The following TRO variants were observed in gnomAD, a reference collection of about 807,000 sequenced individuals.
TRO encodes the protein trophinin.
Under a neutral mutation model 42.3 loss-of-function variants are expected in TRO, and 29 were observed. That is an observed-to-expected ratio of 0.68 (90% CI 0.51 to 0.93). The LOEUF (loss-of-function observed/expected upper bound fraction) is 0.93. Among genes scored for constraint, TRO ranks in the 40% least tolerant of loss-of-function variants. The pLI, the probability that TRO is intolerant of heterozygous loss-of-function variation, is 0.00. For synonymous variants in TRO, 384 were observed against 425.2 expected (o/e 0.90, Z 1.19); for missense variants, 963 against 1,127.7 (o/e 0.85, Z 2.09).
intron 11 of TRO, among the ~76,000 whole-genome samples, chrX:54,928,201 T>C (rs1046722584): frequency 1.8e-5 from 2 of 111,541 alleles, no homozygotes; most frequent in Admixed American, 9.5e-5. Flanking sequence ...TCTCTTCTTA[T>C]AAGGACACTA....
chrX:54,925,100 T>TG (rs1343363332), intron 6 of TRO, 32 bp downstream of exon 6: 1 of 1,164,289 alleles, frequency 8.6e-7, no homozygotes, highest in East Asian at 3.0e-5. Flanking sequence ...ATGGGCGCAA[T>TG]GGGGAAGCTT....
chrX:54,928,475 G>T, intron 11 of TRO, 128 bp from the exon 12 acceptor site: 1 of 834,500 alleles, frequency 1.2e-6, no homozygotes, highest in South Asian at 3.3e-5. Context: ...GTTCAGAACT[G>T]ACCCATGATA....
intron 3 of TRO, among the ~76,000 whole-genome samples, chrX:54,924,207 A>G (rs1932478553): frequency 8.9e-6 from 1 of 111,751 alleles, no homozygotes; most frequent in African/African-American, 3.3e-5. Context: ...GAAGAGAAAG[A>G]CCCTTAGGCT....
chrX:54,923,161 AG>A lies in TRO; in HGVS notation c.631del (p.Ala211LeufsTer6). ...CCTAAGAAAGCTTCCAAGGCTAAGA[AG>A]GCTGCAAATAAGGCCATAGCTAGTG... ...IKPKKASKAKKAANKAIASAT... is the reference protein window; with the variant it reads ...IKPKKASKAKXAANKAIASAT... On this transcript the variant is annotated frameshift_variant, in exon 3 of 13. Transcript: ENST00000173898. 8.3e-7 allele frequency: 1 copy of A among 1,211,848 alleles called. No individual in the cohort carries two copies. The highest frequency in any genetic ancestry group is 1.1e-6 in the Non-Finnish European group (1 of 895,534).
Position 54,930,494 on chromosome X carries a change from C to A in TRO, c.3770C>A (p.Thr1257Asn), listed in dbSNP as rs745778648. The A allele has an allele frequency of 2.5e-6, 3 of 1,208,873 alleles. No individual in the cohort carries two copies. Among genetic ancestry groups the A allele is most frequent in the Non-Finnish European group, 3.4e-6 (3 of 894,792 alleles). Residue 1257 changes from threonine (T) to asparagine (N), a missense_variant, in exon 12 of 13, where the codon ACT becomes AAT. Physicochemically the swap from Thr to Asn is moderately conservative, Grantham distance 65. Coordinates refer to ENST00000173898, the MANE Select transcript of TRO (RefSeq NM_001039705.3). ...AGFGGGPGTSTGFGGGLGTSA... is the reference protein window; with the variant it reads ...AGFGGGPGTSNGFGGGLGTSA... ...TTCGGTGGAGGACCAGGCACCAGCA[C>A]TGGTTTTGGTGGTGGACTGGGCACC... is the stretch of plus-strand genomic sequence containing the variant.
At position 54,931,329 on chromosome X, in the gene TRO, T is replaced by C. The variant is rs1280355128; in HGVS notation, c.*137T>C. Reference sequence around the variant, plus strand: ...GCAGTTATGGCCAATCAGCTGAGGGTGTCATGTGATGGAAAAATCTGTTTG... The same window carrying C: ...GCAGTTATGGCCAATCAGCTGAGGGCGTCATGTGATGGAAAAATCTGTTTG... On this transcript the variant is annotated 3_prime_UTR_variant, in exon 13 of 13. Coordinates refer to ENST00000173898, the MANE Select transcript of TRO (RefSeq NM_001039705.3). 1 of 1,207,781 alleles carries C rather than the reference T, an allele frequency of 8.3e-7. No individual in the cohort carries two copies. Among genetic ancestry groups the C allele is most frequent in the Non-Finnish European group, 1.1e-6 (1 of 893,507 alleles).
Position 54,930,459 on chromosome X carries a change from C to T in TRO, c.3735C>T (p.Thr1245=), listed in dbSNP as rs752908635. The change falls in exon 12 of 13, where the codon ACC becomes ACT. Residue 1245 remains threonine (T), a synonymous_variant. Transcript: ENST00000173898. ...TSSGFDGGLG[T]SAGFGGGPGT... is the part of the protein sequence containing the mutation. Reference sequence around the variant, plus strand: ...CTGGCTTTGATGGTGGGCTAGGTACCAGCGCTGGCTTCGGTGGAGGACCAG... The same window carrying T: ...CTGGCTTTGATGGTGGGCTAGGTACTAGCGCTGGCTTCGGTGGAGGACCAG... 2 of 1,210,993 alleles carry T rather than the reference C, an allele frequency of 1.7e-6. No homozygotes were observed. The highest frequency in any genetic ancestry group is 2.2e-6 in the Non-Finnish European group (2 of 895,249).
intron 1 of TRO, 152 bp from the exon 2 acceptor site, chrX:54,922,051 G>A (rs1015823596): frequency 4.9e-6 from 2 of 409,472 alleles, no homozygotes; most frequent in Non-Finnish European, 8.3e-6. Flanking sequence ...GGCAAAAGGA[G>A]CTGGGCCTTG....
intron 2 of TRO, 33 bp from the exon 3 acceptor site, chrX:54,922,545 A>G: frequency 1.7e-6 from 2 of 1,165,473 alleles, no homozygotes; most frequent in Non-Finnish European, 2.3e-6. Context: ...GCGAGGCCAA[A>G]TGGCCCAGAG....
At position 54,923,086 on chromosome X, in the gene TRO, C is replaced by T; in HGVS notation, c.554C>T (p.Pro185Leu). ...LPVISQNIHA[P>L]IANESASSQA... ...GTCATCTCACAGAATATTCACGCTC[C>T]AATTGCCAATGAGTCAGCCAGTTCC... Residue 185 changes from proline (P) to leucine (L), a missense_variant, in exon 3 of 13, where the codon CCA becomes CTA. By Grantham distance (98) the Pro-to-Leu change is moderately conservative (BLOSUM62 -3). This residue lies in a region of TRO where 322 missense variants were observed against 316.5 expected (regional missense o/e 1.02). Coordinates refer to ENST00000173898, the MANE Select transcript of TRO (RefSeq NM_001039705.3). 8.3e-7 allele frequency: 1 copy of T among 1,211,898 alleles called. No individual in the cohort carries two copies.
chrX:54,927,223 G>C lies in TRO; in HGVS notation c.1763+118G>C, dbSNP rs752701404. On this transcript the variant is annotated intron_variant, in intron 10 of 12. Transcript: ENST00000173898. ...AGCTTTAGAGGGATGGGCATCCTGT[G>C]TCCTAGAACTGATACTGTCTAAAAT... 58 of 801,821 alleles carry C rather than the reference G, an allele frequency of 7.2e-5. No homozygotes were observed. The South Asian group carries it at 1.4e-3, about 20-fold the overall frequency. 66.1% of individuals were successfully genotyped at this position (801,821 alleles called of 1,213,427 possible).
rs767066855 is a variant in TRO at position 54,930,177 on chromosome X, A to C, written c.3453A>C (p.Gly1151=). ...GAHGTSLCFG[G]APSTSLCFGS... ...ATGGCACCAGCCTCTGTTTTGGTGG[A>C]GCTCCCAGCACCAGCCTCTGCTTTG... The change falls in exon 12 of 13, where the codon GGA becomes GGC. Residue 1151 remains glycine, a synonymous_variant. Coordinates refer to ENST00000173898, the MANE Select transcript of TRO (RefSeq NM_001039705.3). 8.3e-7 allele frequency: 1 copy of C among 1,208,730 alleles called. No individual in the cohort carries two copies. The highest frequency in any genetic ancestry group is 3.0e-5 in the East Asian group (1 of 33,672).
intron 11 of TRO, among the ~76,000 whole-genome samples, chrX:54,928,119 C>T (rs986631108): frequency 8.9e-6 from 1 of 112,660 alleles, no homozygotes; most frequent in Non-Finnish European, 1.9e-5. Context: ...TCCTGGCTTG[C>T]AGATGGCTGC....
rs1933049469 is a variant in TRO, at chrX:54,930,455, G to C, written c.3731G>C (p.Gly1244Ala). 8.3e-7 allele frequency: 1 copy of C among 1,210,760 alleles called. No individual in the cohort carries two copies. The highest frequency in any genetic ancestry group is 1.1e-6 in the Non-Finnish European group (1 of 895,165). ...AGTTCTGGCTTTGATGGTGGGCTAG[G>C]TACCAGCGCTGGCTTCGGTGGAGGA... ...STSSGFDGGL[G>A]TSAGFGGGPG... The change falls in exon 12 of 13, where the codon GGT becomes GCT. Residue 1244 changes from glycine to alanine, a missense_variant. Gly to Ala is a moderately conservative substitution (Grantham distance 60). This residue lies in a region of TRO where 641 missense variants were observed against 811.3 expected (regional missense o/e 0.79). Coordinates refer to ENST00000173898, the MANE Select transcript of TRO (RefSeq NM_001039705.3).
Position 54,930,081 on chromosome X carries a change from C to CGGT in TRO, c.3361_3363dup (p.Gly1121dup). On this transcript the variant is annotated inframe_insertion, in exon 12 of 13. Transcript: ENST00000173898. ...GGGCACTTAGTACCGCTGCTGACTT[C>CGGT]GGTGGTACTCCCAGCAACAGCATTG... 1 of 1,202,315 alleles carries CGGT rather than the reference C, an allele frequency of 8.3e-7. No homozygotes were observed. The highest frequency in any genetic ancestry group is 1.1e-6 in the Non-Finnish European group (1 of 891,621).
At position 54,922,613 on chromosome X, in the gene TRO, C is replaced by T; in HGVS notation, c.81C>T (p.Pro27=). The change falls in exon 3 of 13, where the codon CCC becomes CCT. Residue 27 remains proline (P), a synonymous_variant. Transcript: ENST00000173898. ...PLPPPGSLGL[P]FPPDIQTETT... ...CTCCCCCGGGGAGCCTGGGGCTTCCCTTCCCTCCAGATATACAGACTGAGA... is the reference window on the plus strand; with the variant it reads ...CTCCCCCGGGGAGCCTGGGGCTTCCTTTCCCTCCAGATATACAGACTGAGA... 1 of 1,210,591 alleles carries T rather than the reference C, an allele frequency of 8.3e-7. No individual in the cohort carries two copies. The highest frequency in any genetic ancestry group is 1.1e-6 in the Non-Finnish European group (1 of 894,985).
chrX:54,930,086 G>A lies in TRO; in HGVS notation c.3362G>A (p.Gly1121Asp), dbSNP rs1483513637. The change falls in exon 12 of 13, where the codon GGT becomes GAT. Residue 1121 changes from glycine (G) to aspartate (D), a missense_variant. Gly to Asp is a moderately conservative substitution (Grantham distance 94, BLOSUM62 -1). Around this residue, in one of 2 missense-constraint regions of TRO, gnomAD observed 641 missense variants for 811.3 expected, o/e 0.79. Transcript: ENST00000173898. Reference protein sequence around the residue: ...GALSTAADFGGTPSNSIGFGA... With the variant: ...GALSTAADFGDTPSNSIGFGA... ...CTTAGTACCGCTGCTGACTTCGGTG[G>A]TACTCCCAGCAACAGCATTGGCTTT... 1.7e-6 allele frequency: 2 copies of A among 1,209,335 alleles called. No homozygotes were observed. Among genetic ancestry groups the A allele is most frequent in the African/African-American group, 1.8e-5 (1 of 56,891 alleles).
At chrX:54,925,267 A>G (rs1569546210) in intron 6 of TRO, among the ~76,000 whole-genome samples, 199 bp downstream of exon 6, 1 of 111,551 alleles carries the variant, frequency 9.0e-6, no homozygotes, top group Non-Finnish European at 1.9e-5. Flanking sequence ...CATGGCTAGG[A>G]CAGAAGCCAC....
In TRO at chrX:54,926,619, G is replaced by A. The variant is rs201094980; in HGVS notation, c.1694G>A (p.Arg565His). The change falls in exon 9 of 13, where the codon CGC (arginine) becomes CAC (histidine). Residue 565 changes from arginine (R) to histidine (H), a missense_variant. Physicochemically the swap from Arg to His is conservative, Grantham distance 29. Around this residue, in one of 2 missense-constraint regions of TRO, gnomAD observed 641 missense variants for 811.3 expected, o/e 0.79. Coordinates refer to ENST00000173898, the MANE Select transcript of TRO (RefSeq NM_001039705.3). ...GAGGTGCTGCGCAAGTTGGGGCTGC[G>A]CCCTGGGTATGACTGGGCTCTCTCA... ...IWEVLRKLGLRPGVRHSLFGE... is the reference protein window; with the variant it reads ...IWEVLRKLGLHPGVRHSLFGE... The A allele has an allele frequency of 5.3e-5, 64 of 1,209,898 alleles. No homozygotes were observed. Among genetic ancestry groups the A allele is most frequent in the Admixed American group, 1.7e-4 (8 of 45,817 alleles).
Sources: gnomAD v4.1 joint callset for allele counts (sites outside exome capture counted in the v4.1 genomes callset) on GRCh38, gnomAD v4.1.1 for gene constraint, gnomAD v4.1.1 regional missense constraint, MANE v1.5 for transcripts, NCBI Gene and HGNC (gene_info 2026-07-23, HGNC 2026-07-21) for gene names.